The following TRPA1 variants were observed in gnomAD, a reference collection of about 807,000 sequenced individuals.
The protein encoded by TRPA1 is ankyrin-like with transmembrane domains 1.
TRPA1 carries 129 observed loss-of-function variants against 131.3 expected under a neutral mutation model. The ratio of observed to expected loss-of-function variants is 0.98; its 90% confidence interval spans 0.85 to 1.14. TRPA1 has a LOEUF of 1.14. TRPA1 is among the 50% of genes most tolerant of loss of function. The pLI is 0.00. For missense variants in TRPA1, 1,304 were observed against 1,354.2 expected (o/e 0.96, Z 0.58); for synonymous variants, 441 against 451.7 (o/e 0.98, Z 0.30).
In TRPA1 at chr8:72,022,654, T is replaced by C. The variant is rs1811435833; in HGVS notation, c.*252A>G. 1.8e-6 allele frequency: 1 copy of C among 550,858 alleles called. No individual in the cohort carries two copies. The highest frequency in any genetic ancestry group is 3.1e-5 in the East Asian group (1 of 32,210). 34.1% of individuals were successfully genotyped at this position (550,858 alleles called of 1,614,324 possible). On this transcript the variant is annotated 3_prime_UTR_variant, in exon 27 of 27. Coordinates refer to ENST00000262209, the MANE Select transcript of TRPA1 (RefSeq NM_007332.3). ...CAAATTCATTTTCTACCCATTCAAA[T>C]AATGAGATTATATCTCATCAAAGTC...
At chr8:72,060,613 A>G (rs73687857) in intron 7 of TRPA1, among the ~76,000 whole-genome samples, 2,991 of 152,154 alleles carry the variant, frequency 0.02, 80 homozygotes, top group East Asian at 0.082. Context: ...CTTCCTTTAA[A>G]TTTTTGAAGG....
intron 9 of TRPA1, 118 bp downstream of exon 9, chr8:72,057,599 A>C: frequency 1.2e-6 from 1 of 824,590 alleles, no homozygotes; most frequent in Non-Finnish European, 2.1e-6. Context: ...CACCTGGCCC[A>C]GGGCCTGGCA....
intron 4 of TRPA1, among the ~76,000 whole-genome samples, chr8:72,063,970 G>A (rs1158641028): frequency 2.6e-5 from 4 of 151,982 alleles, no homozygotes; most frequent in African/African-American, 4.8e-5. Context: ...ATAAATGAAT[G>A]TGCCACTACT....
chr8:72,066,088 A>G (rs966008018), intron 3 of TRPA1, among the ~76,000 whole-genome samples: 3 of 152,284 alleles, frequency 2.0e-5, no homozygotes, highest in East Asian at 3.9e-4. Flanking sequence ...TGGACACTCT[A>G]TTCTCTTCAG....
At chr8:72,052,965 C>G (rs867029812) in intron 13 of TRPA1, 200 bp from the exon 14 acceptor site, 29 of 322,634 alleles carry the variant, frequency 9.0e-5, no homozygotes, top group African/African-American at 2.8e-4. Context: ...GGAAGTGGAT[C>G]TGTGTGTGTG....
At chr8:72,038,502 T>C (rs1221348945) in intron 19 of TRPA1, among the ~76,000 whole-genome samples, 2 of 152,066 alleles carry the variant, frequency 1.3e-5, no homozygotes, top group African/African-American at 4.8e-5. Context: ...TTTCATCATC[T>C]TGGATGGAAA....
chr8:72,076,889 T>G (rs2129437226), upstream of TRPA1, among the ~76,000 whole-genome samples: 1 of 152,258 alleles, frequency 6.6e-6, no homozygotes, highest in South Asian at 2.1e-4. Context: ...TCAGCATCTG[T>G]GTTCAGGGTA....
chr8:72,032,065 G>A (rs764873104), intron 23 of TRPA1, among the ~76,000 whole-genome samples: 9 of 152,174 alleles, frequency 5.9e-5, no homozygotes, highest in Non-Finnish European at 1.0e-4. Flanking sequence ...CAGCATGAAG[G>A]AAAGTGTGGC....
At chr8:72,064,357 C>A (rs926982826) in intron 4 of TRPA1, among the ~76,000 whole-genome samples, 1 of 151,226 alleles carries the variant, frequency 6.6e-6, no homozygotes, top group Admixed American at 6.6e-5. Flanking sequence ...CTTTTTTGAA[C>A]AATATTATCA....
chr8:72,052,594 T>C lies in TRPA1; in HGVS notation c.1811+5A>G. On this transcript the variant is annotated splice_donor_5th_base_variant and intron_variant, in intron 14 of 26. Coordinates refer to ENST00000262209, the MANE Select transcript of TRPA1 (RefSeq NM_007332.3). ...TAAATGACAGTGGACAGGAAGACAG[T>C]GTACCTTTTGCTCCTGATGATCGTA... The C allele has an allele frequency of 6.2e-7, 1 of 1,613,414 alleles. No individual in the cohort carries two copies. Among genetic ancestry groups the C allele is most frequent in the Non-Finnish European group, 8.5e-7 (1 of 1,179,562 alleles).
At chr8:72,024,049 T>C (rs2129432342) in intron 25 of TRPA1, 138 bp from the exon 26 acceptor site, 1 of 641,944 alleles carries the variant, frequency 1.6e-6, no homozygotes, top group Non-Finnish European at 2.9e-6. Flanking sequence ...CACAATCTGC[T>C]AGGAGAAAGA....
chr8:72,054,764 A>G (rs1223381428), intron 12 of TRPA1: 1 of 152,328 alleles, frequency 6.6e-6, no homozygotes, highest in African/African-American at 2.4e-5. Context: ...GTTTTTGAAC[A>G]TTAGCCTAAT....
intron 23 of TRPA1, among the ~76,000 whole-genome samples, chr8:72,030,506 C>T (rs1811775739): frequency 6.6e-6 from 1 of 152,208 alleles, no homozygotes; most frequent in African/African-American, 2.4e-5. Flanking sequence ...CTATATACCT[C>T]TGCAACGATG....
rs117063339 is a variant in TRPA1 at position 72,056,294 on chromosome 8, G to A, written c.1195-439C>T. On this transcript the variant is annotated intron_variant, in intron 10 of 26. Transcript: ENST00000262209. ...GTTTATTTTATGTTTTATATGTATA[G>A]TAAATAAAAAATGAATGATAAATGA... The A allele has an allele frequency of 1.6e-3, 293 of 179,656 alleles. 7 individuals are homozygous for A. The East Asian group carries it at 0.032, about 19-fold the overall frequency. 11.1% of individuals were successfully genotyped at this position (179,656 alleles called of 1,614,324 possible). A position where few individuals can be genotyped will look rare whatever the true frequency, so the allele number is the denominator to read the frequency against.
rs139529135 is a variant in TRPA1, at chr8:72,021,291, C to A, written c.*1615G>T. 3 of 152,120 alleles carry A rather than the reference C, an allele frequency of 2.0e-5. No homozygotes were observed. Among genetic ancestry groups the A allele is most frequent in the African/African-American group, 7.2e-5 (3 of 41,404 alleles). 9.4% of individuals were successfully genotyped at this position (152,120 alleles called of 1,614,324 possible). ...TTATTTAAATATTTCGCATGACAGG[C>A]ATGGTACAGTGTTTCTCACATTCTT... On this transcript the variant is annotated 3_prime_UTR_variant, in exon 27 of 27. Transcript: ENST00000262209.
intron 25 of TRPA1, among the ~76,000 whole-genome samples, chr8:72,025,319 G>A (rs1318478136): frequency 6.6e-6 from 1 of 151,946 alleles, no homozygotes; most frequent in Non-Finnish European, 1.5e-5. Context: ...TAATTGTTTG[G>A]TTGTTCCTCA....
At position 72,046,516 on chromosome 8, in the gene TRPA1, G is replaced by T; in HGVS notation, c.2058C>A (p.Leu686=). 1 of 1,549,550 alleles carries T rather than the reference G, an allele frequency of 6.5e-7. No individual in the cohort carries two copies. The highest frequency in any genetic ancestry group is 8.8e-7 in the Non-Finnish European group (1 of 1,131,454). ...QDVIYEPLTA[L]NAMVQNNRIE... ...ATAATGAAAACATTGAACTTACGTT[G>T]AGGGCTGTAAGCGGTTCATATATAA... Residue 686 remains leucine (L), a synonymous_variant, in exon 17 of 27, where the codon CTC becomes CTA. Transcript: ENST00000262209.
the TRPA1 span, among the ~76,000 whole-genome samples, chr8:72,087,688 A>G: frequency 6.6e-6 from 1 of 151,454 alleles, no homozygotes; most frequent in Non-Finnish European, 1.5e-5. Context: ...AAAGTCTCCA[A>G]TTGAGTCTTT....
chr8:72,068,228 A>G (rs1375855685), intron 3 of TRPA1, among the ~76,000 whole-genome samples: 1 of 152,226 alleles, frequency 6.6e-6, no homozygotes, highest in African/African-American at 2.4e-5. Flanking sequence ...CAGAAAACTT[A>G]TTATAAGTTC....
Sources: gnomAD v4.1 joint callset for allele counts (sites outside exome capture counted in the v4.1 genomes callset) on GRCh38, gnomAD v4.1.1 for gene constraint, MANE v1.5 for transcripts, NCBI Gene and HGNC (gene_info 2026-07-23, HGNC 2026-07-21) for gene names.